PCDHA7: variants seen among roughly 807,000 people sequenced by gnomAD.
The protein encoded by PCDHA7 is protocadherin alpha-7.
A neutral mutation model predicts 57.2 loss-of-function variants in PCDHA7; 37 were observed. That is an observed-to-expected ratio of 0.65 (90% CI 0.50 to 0.85). The LOEUF (loss-of-function observed/expected upper bound fraction) is 0.85, where lower values mean the gene tolerates loss of function less well. PCDHA7 is among the 40% of genes least tolerant of loss of function. The pLI, the probability that PCDHA7 is intolerant of heterozygous loss-of-function variation, is 0.00. For missense variants in PCDHA7, 1,188 were observed against 1,241.8 expected, an observed-to-expected ratio of 0.96 and a Z score of 0.65; for synonymous variants, 553 against 558.8, an observed-to-expected ratio of 0.99 and a Z score of 0.15.
At chr5:140,926,899 G>A (rs1554203765) in intron 1 of PCDHA7, 2 of 1,552,028 alleles carry the variant, frequency 1.3e-6, no homozygotes, top group Non-Finnish European at 1.7e-6. Context: ...GAGGATGGTG[G>A]GCTGTGGGGT....
chr5:140,886,328 C>T (rs1554182483), intron 1 of PCDHA7, among the ~76,000 whole-genome samples: 1 of 151,922 alleles, frequency 6.6e-6, no homozygotes, highest in African/African-American at 2.4e-5. Context: ...TTCTGGGATA[C>T]ATGTGCAGAA....
chr5:140,955,220 A>T (rs1016918569), intron 1 of PCDHA7, among the ~76,000 whole-genome samples: 1 of 152,130 alleles, frequency 6.6e-6, no homozygotes, highest in Non-Finnish European at 1.5e-5. Flanking sequence ...TGATGCCTCC[A>T]GCTTTGTTCT....
chr5:140,857,140 G>A, intron 1 of PCDHA7: 1 of 1,598,276 alleles, frequency 6.3e-7, no homozygotes, highest in Non-Finnish European at 8.6e-7. Context: ...ATGCTCAAGT[G>A]GGCACCGTCA....
chr5:140,976,505 C>A (rs538128648), intron 1 of PCDHA7, among the ~76,000 whole-genome samples: 1 of 152,004 alleles, frequency 6.6e-6, no homozygotes, highest in Non-Finnish European at 1.5e-5. Flanking sequence ...GAGCCAAGAT[C>A]GCGCCACTGC....
At chr5:140,843,177 G>A (rs1778635433) in intron 1 of PCDHA7, 1 of 1,596,058 alleles carries the variant, frequency 6.3e-7, no homozygotes, top group Non-Finnish European at 8.6e-7. Context: ...AGCAGCCCTC[G>A]CATCCCGTTC....
chr5:140,968,802 C>T, intron 1 of PCDHA7: 1 of 1,614,218 alleles, frequency 6.2e-7, no homozygotes. Flanking sequence ...ATTACAGTAG[C>T]TGTGGTGGAT....
intron 1 of PCDHA7, among the ~76,000 whole-genome samples, chr5:140,977,306 C>T (rs995052680): frequency 6.6e-6 from 1 of 152,150 alleles, no homozygotes; most frequent in African/African-American, 2.4e-5. Context: ...GACAAGCTAA[C>T]GATAGTGCTC....
At chr5:140,907,500 G>T (rs2073413620) in intron 1 of PCDHA7, among the ~76,000 whole-genome samples, 1 of 152,228 alleles carries the variant, frequency 6.6e-6, no homozygotes, top group Non-Finnish European at 1.5e-5. Flanking sequence ...TCCAGAGTAA[G>T]TGTCTATTCC....
At chr5:140,843,128 T>G (rs2150353491) in intron 1 of PCDHA7, 1 of 1,595,926 alleles carries the variant, frequency 6.3e-7, no homozygotes, top group Admixed American at 1.7e-5. Flanking sequence ...CGACTCGGGC[T>G]ACAACGCGTG....
At chr5:140,956,331 C>T (rs1554222358) in intron 1 of PCDHA7, among the ~76,000 whole-genome samples, 1 of 152,064 alleles carries the variant, frequency 6.6e-6, no homozygotes, top group Non-Finnish European at 1.5e-5. Flanking sequence ...TCCTTCAATA[C>T]CTAGTTTATT....
At chr5:140,839,060 G>C (rs1253852063) in intron 1 of PCDHA7, among the ~76,000 whole-genome samples, 1 of 151,930 alleles carries the variant, frequency 6.6e-6, no homozygotes, top group Admixed American at 6.6e-5. Context: ...TAAGGATAGA[G>C]GTATGCAAAG....
intron 1 of PCDHA7, among the ~76,000 whole-genome samples, chr5:140,919,654 C>CAT (rs1554199189): frequency 6.6e-6 from 1 of 151,822 alleles, no homozygotes; most frequent in African/African-American, 2.4e-5. Context: ...TAGAGTTTAC[C>CAT]ATATATATTT....
intron 1 of PCDHA7, chr5:140,851,063 G>A (rs1192104512): frequency 7.3e-7 from 1 of 1,372,672 alleles, no homozygotes; most frequent in Non-Finnish European, 9.6e-7. Context: ...TTGACTTCTA[G>A]TGAGAATTAT....
chr5:140,875,946 T>C, intron 1 of PCDHA7: 1 of 1,614,222 alleles, frequency 6.2e-7, no homozygotes, highest in Admixed American at 1.7e-5. Context: ...AGGGCGCTTC[T>C]GATGCGGATA....
rs139717033 is a variant in PCDHA7 at position 140,850,329 on chromosome 5, C to A, written c.2355+13591C>A. ...CAACGCGTGGCTTTCATACGAGCTG[C>A]AGCCAGAAACGGCCAGCGCGAGCAT... On this transcript the variant is annotated intron_variant, in intron 1 of 3. Coordinates refer to ENST00000525929, the MANE Select transcript of PCDHA7 (RefSeq NM_018910.3). 510 of 1,597,650 alleles carry A rather than the reference C, an allele frequency of 3.2e-4. 26 individuals are homozygous for A. The African/African-American group carries it at 6.2e-3, about 19-fold the overall frequency.
intron 1 of PCDHA7, among the ~76,000 whole-genome samples, chr5:140,912,788 A>G (rs1467959281): frequency 6.6e-6 from 1 of 152,104 alleles, no homozygotes; most frequent in East Asian, 1.9e-4. Context: ...CTTCTATGCC[A>G]ATTTTCTTGA....
At position 140,849,758 on chromosome 5, in the gene PCDHA7, C is replaced by G. The variant is rs150560525; in HGVS notation, c.2355+13020C>G. ...TGGACCGCGAGAGTGTGTCCGCCTA[C>G]GAGCTGGTGGTTACCGCGCGGGACG... On this transcript the variant is annotated intron_variant, in intron 1 of 3. Transcript: ENST00000525929. 7 of 1,598,378 alleles carry G rather than the reference C, an allele frequency of 4.4e-6. No homozygotes were observed. In the African/African-American group the frequency reaches 5.4e-5, roughly 12 times the overall value.
intron 1 of PCDHA7, among the ~76,000 whole-genome samples, chr5:140,961,599 G>T (rs1012408317): frequency 6.6e-6 from 1 of 152,062 alleles, no homozygotes; most frequent in African/African-American, 2.4e-5. Context: ...AATGATTCTA[G>T]TAAATGAAAC....
intron 3 of PCDHA7, among the ~76,000 whole-genome samples, chr5:140,983,980 G>A (rs1169839423): frequency 6.6e-6 from 1 of 152,286 alleles, no homozygotes; most frequent in African/African-American, 2.4e-5. Flanking sequence ...AAATATACGA[G>A]TTGAAGCAAT....
Sources: gnomAD v4.1 joint callset for allele counts (sites outside exome capture counted in the v4.1 genomes callset) on GRCh38, gnomAD v4.1.1 for gene constraint, MANE v1.5 for transcripts, NCBI Gene and HGNC (gene_info 2026-07-23, HGNC 2026-07-21) for gene names.